The following MEF2A variants were observed in gnomAD, a reference collection of about 807,000 sequenced individuals.
The protein encoded by MEF2A is myocyte-specific enhancer factor 2A.
A neutral mutation model predicts 55.8 loss-of-function variants in MEF2A; 28 were observed. The observed-to-expected ratio is 0.50, with a 90% CI of 0.37 to 0.69. The LOEUF (loss-of-function observed/expected upper bound fraction) is 0.69, where lower values mean the gene tolerates loss of function less well. MEF2A is among the 30% of genes least tolerant of loss of function. The pLI, the probability that MEF2A is intolerant of heterozygous loss-of-function variation, is 0.00. For missense variants in MEF2A, 528 were observed against 626.2 expected (o/e 0.84, Z 1.67); for synonymous variants, 239 against 227.1 (o/e 1.05, Z -0.47).
chr15:99,648,719 A>G (rs2046374952), intron 4 of MEF2A, among the ~76,000 whole-genome samples: 1 of 152,146 alleles, frequency 6.6e-6, no homozygotes, highest in Non-Finnish European at 1.5e-5. Context: ...GCTTTGACAG[A>G]GTCTTGAGTA....
chr15:99,565,845 G>A (rs1959171909), upstream of MEF2A: 1 of 153,220 alleles, frequency 6.5e-6, no homozygotes, highest in African/African-American at 2.4e-5. Flanking sequence ...ATGGGGAGAA[G>A]CGAGGAAGGG....
At chr15:99,576,902 C>T (rs1964475043) in intron 1 of MEF2A, among the ~76,000 whole-genome samples, 1 of 152,132 alleles carries the variant, frequency 6.6e-6, no homozygotes, top group Non-Finnish European at 1.5e-5. Flanking sequence ...CCACCTCGGC[C>T]TCCCAAAGTG....
chr15:99,637,066 C>G (rs1236551426), intron 3 of MEF2A, among the ~76,000 whole-genome samples: 1 of 150,372 alleles, frequency 6.7e-6, no homozygotes, highest in Admixed American at 6.6e-5. Context: ...TTGCTTAATT[C>G]TGCACTGTTT....
chr15:99,607,335 C>G (rs1250598511), intron 2 of MEF2A, among the ~76,000 whole-genome samples: 1 of 151,970 alleles, frequency 6.6e-6, no homozygotes, highest in Non-Finnish European at 1.5e-5. Context: ...GTAATCAGTC[C>G]TTGAATTGTG....
At chr15:99,641,969 G>GT (rs1228781863) in intron 3 of MEF2A, among the ~76,000 whole-genome samples, 4 of 151,854 alleles carry the variant, frequency 2.6e-5, no homozygotes, top group African/African-American at 4.8e-5. Flanking sequence ...CAGATGACTG[G>GT]TTTTTTTTGT....
intron 2 of MEF2A, among the ~76,000 whole-genome samples, chr15:99,609,286 T>C (rs1976293080): frequency 6.6e-6 from 1 of 152,274 alleles, no homozygotes; most frequent in Non-Finnish European, 1.5e-5. Context: ...ATCTTATTTC[T>C]TGAATCAGAT....
At chr15:99,702,201 A>G (rs2057472763) in intron 8 of MEF2A, among the ~76,000 whole-genome samples, 1 of 152,166 alleles carries the variant, frequency 6.6e-6, no homozygotes, top group African/African-American at 2.4e-5. Context: ...AGATCAAGTG[A>G]TTGTTTTTCA....
Position 99,568,296 on chromosome 15 carries a change from A to G in MEF2A, c.-225+2192A>G, listed in dbSNP as rs1304888550. On this transcript the variant is annotated intron_variant, in intron 1 of 11. Transcript: ENST00000557942. ...GAATAATTTCCTTCTGTATTCTTAG[A>G]GTTTGTTTTCATATGGGTATGTGTG... 2.0e-5 allele frequency among the ~76,000 whole-genome samples: 3 copies of G among 152,242 alleles called. No homozygotes were observed. The East Asian group carries it at 5.8e-4, about 29-fold the overall frequency.
rs936357837 is a variant in MEF2A at position 99,656,015 on chromosome 15, G to A, written c.258+10251G>A. On this transcript the variant is annotated intron_variant, in intron 4 of 11. Coordinates refer to ENST00000557942, the MANE Select transcript of MEF2A (RefSeq NM_001319206.4). Reference sequence around the variant, plus strand: ...TTTCACAGTGCTCAGTAAAGATTCAGCACACAGCTTAATAATGACCTATAA... The same window carrying A: ...TTTCACAGTGCTCAGTAAAGATTCAACACACAGCTTAATAATGACCTATAA... Among the ~76,000 whole-genome samples, 4 of 152,052 alleles carry A rather than the reference G, an allele frequency of 2.6e-5. No homozygotes were observed. In the East Asian group the frequency reaches 7.7e-4, roughly 29 times the overall value.
rs766268139 is a variant in MEF2A, at chr15:99,712,797, T to C, written c.*26T>C. The C allele has an allele frequency of 3.9e-5, 60 of 1,547,318 alleles. No homozygotes were observed. Among genetic ancestry groups the C allele is most frequent in the Middle Eastern group, 1.7e-4 (1 of 5,976 alleles). ...GGCTTCCAAGCTGATGTTTGTACTT[T>C]TGTGTTACTGCAGTGACCTGCCCTA... On this transcript the variant is annotated 3_prime_UTR_variant, in exon 12 of 12. Transcript: ENST00000557942. The surrounding 1 kb of genome is among the most constrained non-coding windows in gnomAD (Gnocchi z 4.1).
intron 1 of MEF2A, among the ~76,000 whole-genome samples, chr15:99,596,592 T>C (rs1399649695): frequency 6.6e-6 from 1 of 152,192 alleles, no homozygotes; most frequent in Non-Finnish European, 1.5e-5. Flanking sequence ...GATTGGTGTT[T>C]CTGTGGATAA....
intron 7 of MEF2A, among the ~76,000 whole-genome samples, chr15:99,689,973 A>G (rs2153714268): frequency 6.6e-6 from 1 of 152,334 alleles, no homozygotes; most frequent in East Asian, 1.9e-4. Flanking sequence ...AAAATCTGAA[A>G]CATTTTGAGC....
intron 2 of MEF2A, among the ~76,000 whole-genome samples, chr15:99,606,166 C>G (rs1209518542): frequency 6.6e-6 from 1 of 151,982 alleles, no homozygotes; most frequent in Non-Finnish European, 1.5e-5. Context: ...AAGAATTAGT[C>G]AATAAATCGT....
In MEF2A at chr15:99,647,459, C is replaced by T. The variant is rs575994679; in HGVS notation, c.258+1695C>T. Among the ~76,000 whole-genome samples the T allele has an allele frequency of 1.4e-3, 210 of 152,240 alleles. 2 individuals carry two copies. Among genetic ancestry groups the T allele is most frequent in the East Asian group, 1.9e-4 (1 of 5,186 alleles). On this transcript the variant is annotated intron_variant, in intron 4 of 11. Coordinates refer to ENST00000557942, the MANE Select transcript of MEF2A (RefSeq NM_001319206.4). ...CCCTAACTACACTGCTCTTTCATTG[C>T]AGCAGTTGTTATTCTTGGTCCGTGG...
At chr15:99,609,785 A>G (rs1976473641) in intron 2 of MEF2A, among the ~76,000 whole-genome samples, 1 of 152,194 alleles carries the variant, frequency 6.6e-6, no homozygotes, top group Non-Finnish European at 1.5e-5. Flanking sequence ...GTTACAAATT[A>G]TAGAATAATT....
chr15:99,610,071 A>G (rs1447920174), intron 2 of MEF2A, among the ~76,000 whole-genome samples: 1 of 152,074 alleles, frequency 6.6e-6, no homozygotes, highest in African/African-American at 2.4e-5. Flanking sequence ...ATACAGTAAA[A>G]ATTTTAAATT....
intron 7 of MEF2A, among the ~76,000 whole-genome samples, chr15:99,688,441 T>G (rs1014560224): frequency 3.9e-5 from 6 of 152,214 alleles, no homozygotes; most frequent in Non-Finnish European, 7.3e-5. Context: ...CATTCTGGCC[T>G]TCTTCTGAGT....
At chr15:99,607,463 G>A (rs755505997) in intron 2 of MEF2A, among the ~76,000 whole-genome samples, 1 of 152,134 alleles carries the variant, frequency 6.6e-6, no homozygotes, top group Non-Finnish European at 1.5e-5. Flanking sequence ...CAGATGATAT[G>A]AGGTTAAAAG....
chr15:99,696,162 G>A (rs2056455302), intron 8 of MEF2A, among the ~76,000 whole-genome samples: 2 of 152,304 alleles, frequency 1.3e-5, no homozygotes, highest in South Asian at 2.1e-4. Context: ...CACAATTGTA[G>A]TTGGAGACTT....
Sources: allele counts gnomAD v4.1 joint callset (sites outside exome capture counted in the v4.1 genomes callset), GRCh38; gene constraint gnomAD v4.1.1; non-coding constraint Gnocchi (gnomAD v3.1); transcripts MANE v1.5; gene names NCBI Gene and HGNC (gene_info 2026-07-23, HGNC 2026-07-21).